MAD1L1: variants seen among roughly 807,000 people sequenced by gnomAD.
MAD1L1 encodes mitotic arrest deficient 1 like 1, also known as mitotic spindle assembly checkpoint protein MAD1.
MAD1L1 carries 95 observed loss-of-function variants against 96.9 expected under a neutral mutation model. That is an observed-to-expected ratio of 0.98 (90% CI 0.83 to 1.16). MAD1L1 has a LOEUF of 1.16. MAD1L1 is among the 50% of genes most tolerant of loss of function. The probability of loss-of-function intolerance (pLI) is 0.00; values close to 1 mark genes in which losing one functional copy is unlikely to be tolerated. For synonymous variants in MAD1L1, 473 were observed against 396.6 expected (o/e 1.19, Z -2.29); for missense variants, 1,007 against 954.4 (o/e 1.06, Z -0.73).
Position 1,945,143 on chromosome 7 carries a change from G to A in MAD1L1, c.1597-8246C>T, listed in dbSNP as rs374071917. ...GAAGCAGCACGGTGCCTCGGCGCCCGCTCAGCAGGGGCCCAGCAGAGGCCG... is the reference window on the plus strand; with the variant it reads ...GAAGCAGCACGGTGCCTCGGCGCCCACTCAGCAGGGGCCCAGCAGAGGCCG... On this transcript the variant is annotated intron_variant, in intron 16 of 18. Transcript: ENST00000265854. Among the ~76,000 whole-genome samples the A allele has an allele frequency of 5.3e-5, 8 of 152,292 alleles. No individual in the cohort carries two copies. The South Asian group carries it at 8.3e-4, about 16-fold the overall frequency.
At chr7:2,157,173 C>T (rs1789888616) in intron 10 of MAD1L1, among the ~76,000 whole-genome samples, 3 of 152,164 alleles carry the variant, frequency 2.0e-5, no homozygotes, top group East Asian at 1.9e-4. Context: ...TATACTGGAA[C>T]GTCTTCAAAA....
intron 17 of MAD1L1, among the ~76,000 whole-genome samples, chr7:1,905,756 A>G (rs868035071): frequency 2.6e-5 from 4 of 152,282 alleles, no homozygotes; most frequent in Middle Eastern, 6.8e-3. Flanking sequence ...GATGATTTTA[A>G]GAGGAACCTG....
intron 17 of MAD1L1, among the ~76,000 whole-genome samples, chr7:1,931,026 C>T (rs1280284968): frequency 1.3e-5 from 2 of 150,868 alleles, no homozygotes; most frequent in African/African-American, 2.4e-5. Flanking sequence ...GTGGGGTCCA[C>T]GTCAAGGGTC....
intron 11 of MAD1L1, among the ~76,000 whole-genome samples, chr7:2,147,646 C>T (rs1403516035): frequency 6.6e-6 from 1 of 152,204 alleles, no homozygotes; most frequent in African/African-American, 2.4e-5. Flanking sequence ...GGCGGGTGCC[C>T]CAGCTCTCAG....
At chr7:1,869,859 C>T (rs925001768) in intron 18 of MAD1L1, among the ~76,000 whole-genome samples, 1 of 152,186 alleles carries the variant, frequency 6.6e-6, no homozygotes, top group Non-Finnish European at 1.5e-5. Context: ...CAGGCAGGTT[C>T]AGGTCCAGCT....
At chr7:2,173,241 G>C (rs1026360635) in intron 10 of MAD1L1, among the ~76,000 whole-genome samples, 2 of 152,108 alleles carry the variant, frequency 1.3e-5, no homozygotes, top group Non-Finnish European at 2.9e-5. Context: ...CTTCAGTTTG[G>C]GGCATTACCT....
At chr7:1,858,742 G>A (rs902122422) in intron 18 of MAD1L1, among the ~76,000 whole-genome samples, 4 of 152,238 alleles carry the variant, frequency 2.6e-5, no homozygotes, top group African/African-American at 7.2e-5. Context: ...AAGCCACAGA[G>A]GCCACAGACT....
At chr7:2,084,458 G>A (rs894218232) in intron 11 of MAD1L1, among the ~76,000 whole-genome samples, 2 of 152,382 alleles carry the variant, frequency 1.3e-5, no homozygotes, top group Non-Finnish European at 2.9e-5. Flanking sequence ...CTGCGCCCAC[G>A]CAGACGTGCC....
intron 18 of MAD1L1, among the ~76,000 whole-genome samples, chr7:1,886,431 G>A (rs1786033350): frequency 6.6e-6 from 1 of 152,216 alleles, no homozygotes; most frequent in African/African-American, 2.4e-5. Context: ...GCAAATCTCA[G>A]CCTGTGTCAA....
At position 2,103,775 on chromosome 7, in the gene MAD1L1, C is replaced by T. The variant is rs1209370883; in HGVS notation, c.1074-34437G>A. On this transcript the variant is annotated intron_variant, in intron 11 of 18. Coordinates refer to ENST00000265854, the MANE Select transcript of MAD1L1 (RefSeq NM_001013836.2). The surrounding 1 kb of genome is among the most constrained non-coding windows in gnomAD (Gnocchi z 4.3). ...GTGTGGCATAAGCAGACCCCCTGAA[C>T]CACTGTGCACGGAGTCCCTCCGCAT... Among the ~76,000 whole-genome samples the T allele has an allele frequency of 6.6e-6, 1 of 152,178 alleles. No homozygotes were observed. The highest frequency in any genetic ancestry group is 2.4e-5 in the African/African-American group (1 of 41,442).
intron 10 of MAD1L1, among the ~76,000 whole-genome samples, chr7:2,164,351 G>A (rs1208165902): frequency 6.6e-6 from 1 of 152,204 alleles, no homozygotes; most frequent in Non-Finnish European, 1.5e-5. Flanking sequence ...GGGCCCAGCT[G>A]AGCCTCAGTT....
intron 10 of MAD1L1, among the ~76,000 whole-genome samples, chr7:2,153,953 C>T (rs562012313): frequency 3.8e-4 from 58 of 152,204 alleles, no homozygotes; most frequent in African/African-American, 1.3e-3. Flanking sequence ...GTCAGGAGTT[C>T]GAGACCAGCC....
intron 12 of MAD1L1, among the ~76,000 whole-genome samples, chr7:2,017,277 G>A (rs561059130): frequency 8.5e-5 from 13 of 152,340 alleles, no homozygotes; most frequent in Non-Finnish European, 1.9e-4. Context: ...GGCTGGCAGT[G>A]CTGACGGGGG....
chr7:2,120,734 T>C (rs1787937477), intron 11 of MAD1L1, among the ~76,000 whole-genome samples: 1 of 152,182 alleles, frequency 6.6e-6, no homozygotes, highest in African/African-American at 2.4e-5. Context: ...AACAAGAGTA[T>C]ATGCCAAGAA....
intron 16 of MAD1L1, among the ~76,000 whole-genome samples, chr7:1,941,752 G>A (rs1412421404): frequency 2.6e-5 from 4 of 152,218 alleles, no homozygotes; most frequent in Non-Finnish European, 5.9e-5. Context: ...CTGGGCACCT[G>A]CGGCTGGGGC....
At chr7:2,230,477 T>TCCAGAGAC in intron 2 of MAD1L1, 72 bp downstream of exon 2, 1 of 235,900 alleles carries the variant, frequency 4.2e-6, no homozygotes, top group Non-Finnish European at 8.6e-6. Context: ...AAGAGGGTTC[T>TCCAGAGAC]CCAGAGACAC....
intron 10 of MAD1L1, among the ~76,000 whole-genome samples, chr7:2,159,601 G>C (rs1250966253): frequency 6.6e-6 from 1 of 151,936 alleles, no homozygotes; most frequent in Non-Finnish European, 1.5e-5. Flanking sequence ...TTTTCCACTG[G>C]CCCAATAATA....
chr7:1,956,945 G>T (rs932766703), intron 16 of MAD1L1, among the ~76,000 whole-genome samples: 2 of 152,242 alleles, frequency 1.3e-5, no homozygotes, highest in African/African-American at 2.4e-5. Context: ...AAGCAACGTG[G>T]GCACCAAGGA....
chr7:1,895,135 G>C (rs1035203331), intron 18 of MAD1L1, among the ~76,000 whole-genome samples: 1 of 152,216 alleles, frequency 6.6e-6, no homozygotes, highest in Admixed American at 6.5e-5. Context: ...CAGGTGAAGA[G>C]GATGGAGCAG....
Sources: allele counts gnomAD v4.1 joint callset (sites outside exome capture counted in the v4.1 genomes callset), GRCh38; gene constraint gnomAD v4.1.1; non-coding constraint Gnocchi (gnomAD v3.1); transcripts MANE v1.5; gene names NCBI Gene and HGNC (gene_info 2026-07-23, HGNC 2026-07-21).